GLB1L2: variants seen among roughly 807,000 people sequenced by gnomAD.
GLB1L2 encodes galactosidase beta 1 like 2, also known as beta-galactosidase-1-like protein 2.
In GLB1L2, 68 loss-of-function variants were observed where a neutral mutation model predicts 84.1. The observed-to-expected ratio is 0.81, with a 90% CI of 0.67 to 0.99. The LOEUF (loss-of-function observed/expected upper bound fraction) is 0.99. Among genes scored for constraint, GLB1L2 ranks in the 50% least tolerant of loss-of-function variants. GLB1L2 has a pLI of 0.00. For missense variants in GLB1L2, 762 were observed against 805.6 expected (o/e 0.95, Z 0.66); for synonymous variants, 290 against 318.0 (o/e 0.91, Z 0.94).
rs1036887547 is a variant in GLB1L2 at position 134,347,263 on chromosome 11, C to CCT, written c.450-61_450-60dup. 69 of 1,250,854 alleles carry CCT rather than the reference C, an allele frequency of 5.5e-5. No individual in the cohort carries two copies. The Middle Eastern group carries it at 5.6e-4, about 10-fold the overall frequency. 77.5% of individuals were successfully genotyped at this position (1,250,854 alleles called of 1,614,324 possible). ...CCTCTCCCTTCTCACGCATCAACAG[C>CCT]CTGCTCACAGCAAACCCACTGTGAC... On this transcript the variant is annotated intron_variant, in intron 4 of 18. Coordinates refer to ENST00000535456, the MANE Select transcript of GLB1L2 (RefSeq NM_001370461.1).
chr11:134,374,103 A>AGAAG, intron 16 of GLB1L2, 42 bp from the exon 17 acceptor site: 1 of 1,439,178 alleles, frequency 6.9e-7, no homozygotes. Context: ...TGGTGGATTG[A>AGAAG]GAAGGGCCTC....
Position 134,370,001 on chromosome 11 carries a change from A to T in GLB1L2, c.1108+116A>T. ...CGACCCCAGTTGATCTGCGTGCAAG[A>T]ATATCCTAGACAAGGACAGGGAGGT... On this transcript the variant is annotated intron_variant, in intron 11 of 18. Transcript: ENST00000535456. The surrounding 1 kb of genome is among the most constrained non-coding windows in gnomAD (Gnocchi z 4.7). 1 of 844,800 alleles carries T rather than the reference A, an allele frequency of 1.2e-6. No homozygotes were observed. The highest frequency in any genetic ancestry group is 1.6e-5 in the South Asian group (1 of 64,246). The allele number at this position is 844,800 out of a possible 1,614,324, so 52.3% of individuals were successfully genotyped here. A position where few individuals can be genotyped will look rare whatever the true frequency, so the allele number is the denominator to read the frequency against.
Position 134,368,796 on chromosome 11 carries a change from G to A in GLB1L2, c.1027+15G>A. ...CACCAGCTATGGCAAGTATTCATCA[G>A]CACTGCTCTCCCTGGTCTGCCCTGC... On this transcript the variant is annotated intron_variant, in intron 10 of 18. Transcript: ENST00000535456. 1 of 1,612,820 alleles carries A rather than the reference G, an allele frequency of 6.2e-7. No individual in the cohort carries two copies. The highest frequency in any genetic ancestry group is 8.5e-7 in the Non-Finnish European group (1 of 1,179,728).
chr11:134,350,353 G>A (rs1030393126), intron 5 of GLB1L2, among the ~76,000 whole-genome samples: 3 of 152,194 alleles, frequency 2.0e-5, no homozygotes, highest in South Asian at 2.1e-4. Context: ...CTCCGTCTAC[G>A]TGGATGCTGG....
chr11:134,342,824 A>T lies in GLB1L2; in HGVS notation c.157A>T (p.Asn53Tyr). The change falls in exon 2 of 19, where the codon AAC becomes TAC. Residue 53 changes from asparagine (N) to tyrosine (Y), a missense_variant. Coordinates refer to ENST00000535456, the MANE Select transcript of GLB1L2 (RefSeq NM_001370461.1). ...GCTGGGGCTGCAGGCCAAGGGCTGG[A>T]ACTTCATGCTGGAGGATTCCACCTT... The part of the protein sequence containing the change: ...RQLGLQAKGW[N>Y]FMLEDSTFWI... The T allele has an allele frequency of 1.2e-6, 2 of 1,614,016 alleles. No individual in the cohort carries two copies. The highest frequency in any genetic ancestry group is 8.5e-7 in the Non-Finnish European group (1 of 1,180,014).
At chr11:134,371,369 G>A (rs955169954) in intron 13 of GLB1L2, 52 bp from the exon 14 acceptor site, 41 of 1,278,536 alleles carry the variant, frequency 3.2e-5, no homozygotes, top group Non-Finnish European at 4.5e-5. Context: ...AGGAGGTCCC[G>A]CTTACCCTCC....
chr11:134,370,888 C>A lies in GLB1L2; in HGVS notation c.1216-120C>A. ...TTGTATGTTTAGTGCAATGAGAAGT[C>A]AAAGTAGAAAACACCCACCAAACCT... On this transcript the variant is annotated intron_variant, in intron 12 of 18. Transcript: ENST00000535456. The surrounding 1 kb of genome is among the most constrained non-coding windows in gnomAD (Gnocchi z 4.7). The A allele has an allele frequency of 8.8e-7, 1 of 1,138,502 alleles. No individual in the cohort carries two copies. The highest frequency in any genetic ancestry group is 2.3e-5 in the East Asian group (1 of 42,620). The allele number at this position is 1,138,502 out of a possible 1,614,324, so 70.5% of individuals were successfully genotyped here. A position where few individuals can be genotyped will look rare whatever the true frequency, so the allele number is the denominator to read the frequency against.
intron 15 of GLB1L2, chr11:134,372,636 C>A (rs12808458): frequency 0.27 from 41,216 of 152,208 alleles, 6,710 homozygotes; most frequent in Admixed American, 0.41. Context: ...AAAATGAATG[C>A]GACTGTGGTG....
chr11:134,363,020 C>G lies in GLB1L2; in HGVS notation c.734-1308C>G, dbSNP rs575421556. Among the ~76,000 whole-genome samples the G allele has an allele frequency of 1.2e-4, 18 of 152,304 alleles. No homozygotes were observed. In the South Asian group the frequency reaches 3.3e-3, roughly 28 times the overall value. ...CCACTCTCCGCTTGTATTTGTGAGA[C>G]GTATCAGGAAGGACAGGACAGAGAT... On this transcript the variant is annotated intron_variant, in intron 7 of 18. Coordinates refer to ENST00000535456, the MANE Select transcript of GLB1L2 (RefSeq NM_001370461.1).
chr11:134,370,987 C>T lies in GLB1L2; in HGVS notation c.1216-21C>T, dbSNP rs1943944757. On this transcript the variant is annotated intron_variant, in intron 12 of 18. Transcript: ENST00000535456. The surrounding 1 kb of genome is among the most constrained non-coding windows in gnomAD (Gnocchi z 4.7). Reference sequence around the variant, plus strand: ...CCACTCCTCCTGAGCCTGCCCACCCCTCCATCTCTTCTGTACGCAGCCAAT... The same window carrying T: ...CCACTCCTCCTGAGCCTGCCCACCCTTCCATCTCTTCTGTACGCAGCCAAT... 1 of 1,613,490 alleles carries T rather than the reference C, an allele frequency of 6.2e-7. No homozygotes were observed. The highest frequency in any genetic ancestry group is 1.3e-5 in the African/African-American group (1 of 74,908).
At chr11:134,362,951 C>T (rs1261417667) in intron 7 of GLB1L2, among the ~76,000 whole-genome samples, 1 of 152,236 alleles carries the variant, frequency 6.6e-6, no homozygotes, top group Non-Finnish European at 1.5e-5. Flanking sequence ...CCAGGATTTG[C>T]CAGTGTCTCT....
At chr11:134,351,367 T>C (rs1471341661) in intron 5 of GLB1L2, among the ~76,000 whole-genome samples, 3 of 141,900 alleles carry the variant, frequency 2.1e-5, no homozygotes, top group African/African-American at 8.0e-5. Context: ...TTTTTTGAGA[T>C]GGTGGTTCCC....
intron 13 of GLB1L2, 32 bp downstream of exon 13, chr11:134,371,180 T>G (rs749008411): frequency 8.1e-6 from 13 of 1,612,976 alleles, no homozygotes; most frequent in Non-Finnish European, 1.0e-5. Flanking sequence ...TCCTGTGACC[T>G]TCTGGTGAGC....
intron 16 of GLB1L2, 117 bp from the exon 17 acceptor site, chr11:134,374,028 G>T: frequency 1.2e-6 from 1 of 814,812 alleles, no homozygotes; most frequent in South Asian, 1.6e-5. Flanking sequence ...CTGTGTCCTG[G>T]TTAAGAGGCG....
chr11:134,353,711 GCA>G (rs1452613202), intron 5 of GLB1L2, among the ~76,000 whole-genome samples: 2 of 151,886 alleles, frequency 1.3e-5, no homozygotes, highest in Admixed American at 1.3e-4. Context: ...TGGAATTCTG[GCA>G]TTTGGTGCAT....
chr11:134,364,088 C>T (rs2136283334), intron 7 of GLB1L2, among the ~76,000 whole-genome samples: 1 of 152,266 alleles, frequency 6.6e-6, no homozygotes, highest in East Asian at 1.9e-4. Flanking sequence ...ACCATGCTGG[C>T]CAGGCTGGTC....
At chr11:134,342,729 C>T in intron 1 of GLB1L2, 25 bp from the exon 2 acceptor site, 2 of 1,607,562 alleles carry the variant, frequency 1.2e-6, no homozygotes, top group African/African-American at 1.3e-5. Context: ...AGCCTCCAGG[C>T]TCCAGAATGT....
rs968045314 is a variant in GLB1L2 at position 134,334,466 on chromosome 11, A to AT, written c.86+2327dup. Among the ~76,000 whole-genome samples the AT allele has an allele frequency of 2.1e-4, 32 of 151,788 alleles. No individual in the cohort carries two copies. Among genetic ancestry groups the AT allele is most frequent in the African/African-American group, 4.8e-4 (20 of 41,378 alleles). ...TTTCAGTCTTAGAATTTTTATTTTT[A>AT]TTTTTTTTAAGCGTAAACAGTGGTC... On this transcript the variant is annotated intron_variant, in intron 1 of 18. Coordinates refer to ENST00000535456, the MANE Select transcript of GLB1L2 (RefSeq NM_001370461.1). This position sits in a 1 kb window ranked among gnomAD's most constrained non-coding sequence, Gnocchi z 4.1.
At chr11:134,346,182 C>G in intron 4 of GLB1L2, among the ~76,000 whole-genome samples, 1 of 152,136 alleles carries the variant, frequency 6.6e-6, no homozygotes, top group East Asian at 1.9e-4. Context: ...GCCCTTCCCT[C>G]GGGGGCATAG....
Sources: allele counts gnomAD v4.1 joint callset (sites outside exome capture counted in the v4.1 genomes callset), GRCh38; gene constraint gnomAD v4.1.1; non-coding constraint Gnocchi (gnomAD v3.1); transcripts MANE v1.5; gene names NCBI Gene and HGNC (gene_info 2026-07-23, HGNC 2026-07-21).